The following NECAB2 variants were observed in gnomAD, a reference collection of about 807,000 sequenced individuals.
NECAB2 encodes the protein N-terminal EF-hand calcium-binding protein 2.
A neutral mutation model predicts 51.9 loss-of-function variants in NECAB2; 68 were observed. The ratio of observed to expected loss-of-function variants is 1.31; its 90% CI spans 1.08 to 1.60. The LOEUF (loss-of-function observed/expected upper bound fraction) is 1.60. Among genes scored for constraint, NECAB2 ranks in the 40% most tolerant of loss-of-function variants. NECAB2 has a pLI of 0.00. For missense variants in NECAB2, 854 were observed against 490.3 expected (o/e 1.74, Z -7.00); for synonymous variants, 329 against 203.5 (o/e 1.62, Z -5.25).
intron 12 of NECAB2, 93 bp from the exon 13 acceptor site, chr16:84,002,225 C>T (rs969015533): frequency 1.1e-5 from 17 of 1,481,672 alleles, no homozygotes; most frequent in Non-Finnish European, 1.4e-5. Context: ...GACTCAAAGC[C>T]ATCCCCCGAC....
chr16:84,000,072 TAA>T (rs1231181722), intron 10 of NECAB2, among the ~76,000 whole-genome samples: 2 of 123,916 alleles, frequency 1.6e-5, no homozygotes, highest in Non-Finnish European at 3.0e-5. Context: ...TTTTTTTTTT[TAA>T]AGAGACAGTG....
Position 83,998,210 on chromosome 16 carries a change from G to A in NECAB2, c.855G>A (p.Leu285=), listed in dbSNP as rs967189651. The stretch of plus-strand genomic sequence containing the variant: ...ACTCCTGCTGTGCCCGGCAGCACCT[G>A]CAGCTGGTCCGGCAGGAGATGGCCG... ...LSDEDGTNMH[L]QLVRQEMAVC... is the part of the protein sequence containing the mutation. Residue 285 remains leucine, a synonymous_variant, in exon 10 of 13, where the codon CTG becomes CTA. Coordinates refer to ENST00000305202, the MANE Select transcript of NECAB2 (RefSeq NM_019065.3). 2 of 1,609,400 alleles carry A rather than the reference G, an allele frequency of 1.2e-6. No homozygotes were observed. The highest frequency in any genetic ancestry group is 1.7e-6 in the Non-Finnish European group (2 of 1,179,932).
intron 5 of NECAB2, among the ~76,000 whole-genome samples, chr16:83,987,494 C>T (rs546636037): frequency 2.1e-4 from 32 of 152,214 alleles, no homozygotes; most frequent in African/African-American, 5.8e-4. Flanking sequence ...AAATTCAAAT[C>T]GCTTCTAATT....
intron 10 of NECAB2, among the ~76,000 whole-genome samples, chr16:84,000,140 C>A (rs1040157740): frequency 1.3e-5 from 2 of 152,128 alleles, no homozygotes; most frequent in African/African-American, 4.8e-5. Context: ...AATCCACCTG[C>A]CTCGACCCCT....
At chr16:83,977,352 C>T (rs1212016320) in intron 2 of NECAB2, among the ~76,000 whole-genome samples, 1 of 152,082 alleles carries the variant, frequency 6.6e-6, no homozygotes, top group Non-Finnish European at 1.5e-5. Context: ...CTGGCATTTG[C>T]TCAGCAGGTC....
At chr16:84,001,782 C>G in intron 11 of NECAB2, 43 bp from the exon 12 acceptor site, 1 of 1,605,396 alleles carries the variant, frequency 6.2e-7, no homozygotes, top group South Asian at 1.1e-5. Flanking sequence ...ACGCGGAGCT[C>G]CACTCCTGCC....
At chr16:83,995,757 G>A (rs535516884) in intron 8 of NECAB2, among the ~76,000 whole-genome samples, 1 of 152,312 alleles carries the variant, frequency 6.6e-6, no homozygotes, top group Non-Finnish European at 1.5e-5. Context: ...GGAGACAGAG[G>A]CTGACGTGGA....
intron 6 of NECAB2, among the ~76,000 whole-genome samples, chr16:83,992,670 C>T (rs2084641715): frequency 6.6e-6 from 1 of 152,144 alleles, no homozygotes; most frequent in Admixed American, 6.5e-5. Flanking sequence ...CTCTGAGACA[C>T]TGTTTCCCAA....
chr16:83,969,863 G>C (rs1244561021), intron 1 of NECAB2, among the ~76,000 whole-genome samples: 2 of 152,298 alleles, frequency 1.3e-5, no homozygotes, highest in East Asian at 3.9e-4. Context: ...GCGGATCCCT[G>C]TGAGTCGGGG....
At chr16:83,980,407 ACAGGAAGGGCTCTGCCACAACCC>A (rs1321111162) in intron 3 of NECAB2, among the ~76,000 whole-genome samples, 1 of 152,090 alleles carries the variant, frequency 6.6e-6, no homozygotes, top group Non-Finnish European at 1.5e-5. Context: ...TGCGACCAGA[ACAGGAAGGGCTCTGCCACAACCC>A]CAGGAACTCC....
chr16:83,966,245 T>G, upstream of NECAB2: 2 of 543,194 alleles, frequency 3.7e-6, no homozygotes, highest in Non-Finnish European at 6.4e-6. Flanking sequence ...GGAAAGCTGC[T>G]GGTGTGACCA....
chr16:83,972,183 T>C lies in NECAB2; in HGVS notation c.226+8T>C. On this transcript the variant is annotated splice_region_variant and intron_variant, in intron 2 of 12. Transcript: ENST00000305202. ...GCCGTGCGGACAAAAATGGTGAGTT[T>C]CCCTTCCAGGCCGACGGCCGCCCCA... 2 of 1,613,570 alleles carry C rather than the reference T, an allele frequency of 1.2e-6. No individual in the cohort carries two copies. Among genetic ancestry groups the C allele is most frequent in the Non-Finnish European group, 1.7e-6 (2 of 1,180,016 alleles).
In NECAB2 at chr16:83,985,313, C is replaced by CAAAAAAAAAA. The variant is rs71148868; in HGVS notation, c.459+4210_459+4219dup. 3.0e-4 allele frequency among the ~76,000 whole-genome samples: 9 copies of CAAAAAAAAAA among 30,192 alleles called. 1 individual carries two copies. The highest frequency in any genetic ancestry group is 5.0e-4 in the African/African-American group (7 of 13,900). 19.8% of individuals were successfully genotyped at this position (30,192 alleles called of 152,430 possible). A position where few individuals can be genotyped will look rare whatever the true frequency, so the allele number is the denominator to read the frequency against. On this transcript the variant is annotated intron_variant, in intron 5 of 12. Coordinates refer to ENST00000305202, the MANE Select transcript of NECAB2 (RefSeq NM_019065.3). ...GGACAACAAGAGCAAATCTCTGTCT[C>CAAAAAAAAAA]AAAAAAAAAAAAAAAAAAAAAAAAA...
At chr16:83,967,709 TG>T (rs2084301114), upstream of NECAB2, among the ~76,000 whole-genome samples, 1 of 102,876 alleles carries the variant, frequency 9.7e-6, no homozygotes. Flanking sequence ...GATGGACGGA[TG>T]GATGGATGGA....
Position 84,002,338 on chromosome 16 carries a change from C to T in NECAB2, c.1153C>T (p.Arg385Trp), listed in dbSNP as rs138383287. ...TTTAGCTGCTTGGTGCACGGTGGGA[C>T]GGGACTGACAGCCTCCCAGAGGCCC... ...LVPAAWCTVG[R>W]D The change falls in exon 13 of 13, where the codon CGG (arginine) becomes TGG (tryptophan). Residue 385 changes from arginine to tryptophan, a missense_variant. Coordinates refer to ENST00000305202, the MANE Select transcript of NECAB2 (RefSeq NM_019065.3). 163 of 1,613,958 alleles carry T rather than the reference C, an allele frequency of 1.0e-4. No individual in the cohort carries two copies. Among genetic ancestry groups the T allele is most frequent in the Middle Eastern group, 1.7e-4 (1 of 6,056 alleles).
intron 8 of NECAB2, among the ~76,000 whole-genome samples, chr16:83,996,067 C>T (rs756850931): frequency 2.6e-5 from 4 of 152,218 alleles, no homozygotes; most frequent in African/African-American, 9.6e-5. Flanking sequence ...GGGGCCAATC[C>T]GGGCCTGGCT....
intron 3 of NECAB2, 140 bp from the exon 4 acceptor site, chr16:83,980,699 C>A (rs539017362): frequency 5.0e-6 from 6 of 1,188,330 alleles, no homozygotes; most frequent in African/African-American, 3.0e-5. Flanking sequence ...GCTGCACCCT[C>A]TTCTGTAAGG....
intron 5 of NECAB2, among the ~76,000 whole-genome samples, chr16:83,983,979 C>CATATAT (rs142430669): frequency 2.1e-4 from 31 of 145,736 alleles, no homozygotes; most frequent in African/African-American, 7.7e-4. Context: ...TTGTAAAATA[C>CATATAT]ATATATATAT....
At chr16:83,965,793 G>T (rs932020794), upstream of NECAB2, 1 of 1,612,980 alleles carries the variant, frequency 6.2e-7, no homozygotes, top group Non-Finnish European at 8.5e-7. Context: ...TTCCTGCCTG[G>T]GGCAGGGGCT....
Sources: allele counts gnomAD v4.1 joint callset (sites outside exome capture counted in the v4.1 genomes callset), GRCh38; gene constraint gnomAD v4.1.1; transcripts MANE v1.5; gene names NCBI Gene and HGNC (gene_info 2026-07-23, HGNC 2026-07-21).